Variants in PIAS4 observed in about 807,000 individuals in gnomAD.
PIAS4 encodes E3 SUMO-protein ligase PIAS4.
In PIAS4, 7 loss-of-function variants were observed where a neutral mutation model predicts 58.0. That is an observed-to-expected ratio of 0.12 (90% CI 0.07 to 0.23). The LOEUF (loss-of-function observed/expected upper bound fraction) is 0.23, where lower values mean the gene tolerates loss of function less well. Ranked by LOEUF, PIAS4 falls within the 10% of genes least tolerant of loss-of-function variation. The probability of loss-of-function intolerance (pLI) is 1.00; values close to 1 mark genes in which losing one functional copy is unlikely to be tolerated. For synonymous variants in PIAS4, 364 were observed against 312.4 expected, an observed-to-expected ratio of 1.17 and a Z score of -1.74; for missense variants, 550 against 709.5, an observed-to-expected ratio of 0.78 and a Z score of 2.55.
At chr19:4,022,574 G>T (rs943775400) in intron 2 of PIAS4, among the ~76,000 whole-genome samples, 5 of 151,838 alleles carry the variant, frequency 3.3e-5, no homozygotes, top group Non-Finnish European at 2.9e-5. Context: ...CACCGTGTTA[G>T]CCAGGATGGT....
At position 4,028,570 on chromosome 19, in the gene PIAS4, G is replaced by A. The variant is rs1250927992; in HGVS notation, c.642G>A (p.Val214=). The A allele has an allele frequency of 6.2e-7, 1 of 1,613,088 alleles. No homozygotes were observed. The highest frequency in any genetic ancestry group is 2.2e-5 in the East Asian group (1 of 44,868). Reference sequence around the variant, plus strand: ...ACCAGTACCCGCCCAACATCGCTGTGAAGGTCAACCACAGCTACTGCTCCG... The same window carrying A: ...ACCAGTACCCGCCCAACATCGCTGTAAAGGTCAACCACAGCTACTGCTCCG... ...QEDQYPPNIA[V]KVNHSYCSVP... The change falls in exon 5 of 11, where the codon GTG becomes GTA. Residue 214 remains valine, a synonymous_variant. Transcript: ENST00000262971.
At position 4,025,247 on chromosome 19, in the gene PIAS4, C is replaced by G. The variant is rs538472870; in HGVS notation, c.539+1127C>G. On this transcript the variant is annotated intron_variant, in intron 3 of 10. Coordinates refer to ENST00000262971, the MANE Select transcript of PIAS4 (RefSeq NM_015897.4). ...CTAACTCTGACAACCACAGATGTCCCCAGACACAGCTCGGTGTCGCCTGGG... is the reference window on the plus strand; with the variant it reads ...CTAACTCTGACAACCACAGATGTCCGCAGACACAGCTCGGTGTCGCCTGGG... Among the ~76,000 whole-genome samples, 31 of 152,288 alleles carry G rather than the reference C, an allele frequency of 2.0e-4. 1 individual carries two copies. The South Asian group carries it at 4.8e-3, about 23-fold the overall frequency.
intron 9 of PIAS4, 96 bp downstream of exon 9, chr19:4,033,676 A>G (rs988450733): frequency 3.8e-6 from 4 of 1,044,038 alleles, no homozygotes; most frequent in African/African-American, 3.2e-5. Flanking sequence ...TGCCCCAGCA[A>G]GACACAGCAG....
At chr19:4,031,771 C>T (rs72976966) in intron 7 of PIAS4, among the ~76,000 whole-genome samples, 18,355 of 152,254 alleles carry the variant, frequency 0.12, 1,427 homozygotes, top group Non-Finnish European at 0.16. Flanking sequence ...TCTTGCTGCA[C>T]CTAGGAAGTC....
rs1396696223 is a variant in PIAS4 at position 4,028,247 on chromosome 19, C to T, written c.581+60C>T. 5.6e-6 allele frequency: 8 copies of T among 1,428,704 alleles called. No homozygotes were observed. The African/African-American group carries it at 5.6e-5, about 10-fold the overall frequency. 88.5% of individuals were successfully genotyped at this position (1,428,704 alleles called of 1,614,324 possible). A position where few individuals can be genotyped will look rare whatever the true frequency, so the allele number is the denominator to read the frequency against. On this transcript the variant is annotated intron_variant, in intron 4 of 10. Coordinates refer to ENST00000262971, the MANE Select transcript of PIAS4 (RefSeq NM_015897.4). ...ACCCCCAGCCACCCGCCCCTCCCCGCCCCCCAGTCCTGGCCCAGGCCCTTC... is the reference window on the plus strand; with the variant it reads ...ACCCCCAGCCACCCGCCCCTCCCCGTCCCCCAGTCCTGGCCCAGGCCCTTC...
In PIAS4 at chr19:4,037,721, A is replaced by G; in HGVS notation, c.1379A>G (p.Lys460Arg). 6.2e-7 allele frequency: 1 copy of G among 1,611,622 alleles called. No individual in the cohort carries two copies. Among genetic ancestry groups the G allele is most frequent in the Non-Finnish European group, 8.5e-7 (1 of 1,179,480 alleles). Reference protein sequence around the residue: ...GGPVGSMENGKPGADVVDLTL... With the variant: ...GGPVGSMENGRPGADVVDLTL... ...CCGGTGGGCAGCATGGAGAATGGGA[A>G]GCCGGGCGCCGATGTGGTGGACCTC... Residue 460 changes from lysine to arginine, a missense_variant, in exon 11 of 11, where the codon AAG becomes AGG. Transcript: ENST00000262971. The surrounding 1 kb of genome is among the most constrained non-coding windows in gnomAD (Gnocchi z 5.8).
chr19:4,011,903 GGT>G (rs1467769204), intron 1 of PIAS4, among the ~76,000 whole-genome samples: 2 of 46,868 alleles, frequency 4.3e-5, no homozygotes, highest in African/African-American at 8.9e-5. Flanking sequence ...GGGGTGTGGA[GGT>G]GTGTGGGGTG....
intron 9 of PIAS4, among the ~76,000 whole-genome samples, chr19:4,036,745 A>G (rs1365163953): frequency 6.8e-6 from 1 of 147,320 alleles, no homozygotes; most frequent in African/African-American, 2.6e-5. Context: ...CATCACATGC[A>G]CACACACATC....
intron 2 of PIAS4, among the ~76,000 whole-genome samples, chr19:4,015,713 C>T (rs2040045663): frequency 6.6e-6 from 1 of 152,192 alleles, no homozygotes; most frequent in Admixed American, 6.5e-5. Context: ...TGCCCGGGGG[C>T]CGCCTCCGGA....
At chr19:4,022,613 C>G (rs1225608838) in intron 2 of PIAS4, among the ~76,000 whole-genome samples, 5 of 151,738 alleles carry the variant, frequency 3.3e-5, no homozygotes, top group African/African-American at 4.8e-5. Context: ...TGATCCACCC[C>G]CCTCGGCCTC....
intron 3 of PIAS4, among the ~76,000 whole-genome samples, chr19:4,025,428 C>T (rs2040153125): frequency 6.6e-6 from 1 of 152,216 alleles, no homozygotes; most frequent in Non-Finnish European, 1.5e-5. Context: ...GTGCTGGGCC[C>T]TTAGGACAGG....
At chr19:4,035,805 G>A (rs140562991) in intron 9 of PIAS4, among the ~76,000 whole-genome samples, 123 of 5,446 alleles carry the variant, frequency 0.023, no homozygotes, top group East Asian at 0.067. Context: ...ACACACACCC[G>A]CACACATCCA....
chr19:4,011,254 C>T (rs1240160480), intron 1 of PIAS4, among the ~76,000 whole-genome samples: 3 of 152,246 alleles, frequency 2.0e-5, no homozygotes. Flanking sequence ...TCTCCCCATT[C>T]CTCCTGGAAG....
At chr19:4,020,652 G>A (rs1174872045) in intron 2 of PIAS4, among the ~76,000 whole-genome samples, 1 of 152,258 alleles carries the variant, frequency 6.6e-6, no homozygotes, top group Non-Finnish European at 1.5e-5. Flanking sequence ...TGTAGACACA[G>A]TCTTGCTATG....
At chr19:4,021,009 A>G (rs908923218) in intron 2 of PIAS4, among the ~76,000 whole-genome samples, 6 of 152,204 alleles carry the variant, frequency 3.9e-5, no homozygotes, top group Non-Finnish European at 8.8e-5. Flanking sequence ...TTATAAGGGT[A>G]GTTTCCCAGA....
In PIAS4 at chr19:4,033,138, G is replaced by A. The variant is rs1383574890; in HGVS notation, c.946G>A (p.Ala316Thr). ...GCGCCTTGATCCTGACAGCGAGATC[G>A]CCACCACCGGTGTGCGGGTGTCCCT... Reference protein sequence around the residue: ...KLRLDPDSEIATTGVRVSLIC... With the variant: ...KLRLDPDSEITTTGVRVSLIC... The change falls in exon 8 of 11, where the codon GCC becomes ACC. Residue 316 changes from alanine to threonine, a missense_variant. Ala to Thr is a moderately conservative substitution (Grantham distance 58). Coordinates refer to ENST00000262971, the MANE Select transcript of PIAS4 (RefSeq NM_015897.4). 8 of 1,611,058 alleles carry A rather than the reference G, an allele frequency of 5.0e-6. No homozygotes were observed. Among genetic ancestry groups the A allele is most frequent in the African/African-American group, 2.7e-5 (2 of 74,916 alleles).
At chr19:4,034,215 G>C (rs552273705) in intron 9 of PIAS4, among the ~76,000 whole-genome samples, 1 of 152,120 alleles carries the variant, frequency 6.6e-6, no homozygotes, top group Non-Finnish European at 1.5e-5. Context: ...GGCAGGGCGC[G>C]AGGCCACAGC....
At chr19:4,008,707 C>G (rs942364869) in intron 1 of PIAS4, among the ~76,000 whole-genome samples, 14 of 152,166 alleles carry the variant, frequency 9.2e-5, no homozygotes, top group African/African-American at 3.4e-4. Context: ...GCATCAGATA[C>G]TGTCCTCAAA....
chr19:4,016,234 G>A (rs993344927), intron 2 of PIAS4, among the ~76,000 whole-genome samples: 2 of 152,234 alleles, frequency 1.3e-5, no homozygotes, highest in African/African-American at 4.8e-5. Context: ...AGGCTGTCAG[G>A]AAATGTGGGG....
Sources: gnomAD v4.1 joint callset for allele counts (sites outside exome capture counted in the v4.1 genomes callset) on GRCh38, gnomAD v4.1.1 for gene constraint, Gnocchi (gnomAD v3.1) non-coding constraint, MANE v1.5 for transcripts, NCBI Gene and HGNC (gene_info 2026-07-23, HGNC 2026-07-21) for gene names.